ACOX2: variants seen among roughly 807,000 people sequenced by gnomAD.
ACOX2 encodes the protein peroxisomal acyl-coenzyme A oxidase 2.
In ACOX2, 59 loss-of-function variants were observed where a neutral mutation model predicts 77.5. That is an observed-to-expected ratio of 0.76 (90% CI 0.62 to 0.95). The LOEUF (loss-of-function observed/expected upper bound fraction) is 0.95. Ranked by LOEUF, ACOX2 falls within the 40% of genes least tolerant of loss-of-function variation. The probability of loss-of-function intolerance (pLI) is 0.00; values close to 1 mark genes in which losing one functional copy is unlikely to be tolerated. For missense variants in ACOX2, 837 were observed against 880.4 expected (o/e 0.95, Z 0.62); for synonymous variants, 317 against 340.1 (o/e 0.93, Z 0.75).
intron 5 of ACOX2, among the ~76,000 whole-genome samples, chr3:58,532,981 G>T (rs914161667): frequency 1.3e-5 from 2 of 152,142 alleles, no homozygotes; most frequent in African/African-American, 4.8e-5. Flanking sequence ...ATGGGGGCTG[G>T]TGATGGGCGT....
rs2063341056 is a variant in ACOX2 at position 58,519,019 on chromosome 3, T to C, written c.1633-1596A>G. On this transcript the variant is annotated intron_variant, in intron 12 of 14. Transcript: ENST00000302819. This position sits in a 1 kb window ranked among gnomAD's most constrained non-coding sequence, Gnocchi z 5.0. ...CAGATTCCAGGGCAGGGCCTGAGAC[T>C]GTGCATTTCTAACAAGGTCCCCTGT... Among the ~76,000 whole-genome samples the C allele has an allele frequency of 6.6e-6, 1 of 152,188 alleles. No individual in the cohort carries two copies. Among genetic ancestry groups the C allele is most frequent in the East Asian group, 1.9e-4 (1 of 5,190 alleles).
intron 5 of ACOX2, among the ~76,000 whole-genome samples, chr3:58,532,698 T>C (rs2108010905): frequency 6.6e-6 from 1 of 152,276 alleles, no homozygotes; most frequent in African/African-American, 2.4e-5. Context: ...GTCTCTCTCT[T>C]ATGTCTCTGG....
At chr3:58,532,264 T>C (rs1318972834) in intron 5 of ACOX2, among the ~76,000 whole-genome samples, 1 of 152,194 alleles carries the variant, frequency 6.6e-6, no homozygotes, top group Non-Finnish European at 1.5e-5. Flanking sequence ...TACCCTGGTC[T>C]GTCTGATCTA....
In ACOX2 at chr3:58,509,151, A is replaced by T. The variant is rs564655057; in HGVS notation, c.1851-126T>A. 5.3e-5 allele frequency: 61 copies of T among 1,142,542 alleles called. 1 individual carries two copies. The Admixed American group carries it at 1.2e-3, about 22-fold the overall frequency. 70.8% of individuals were successfully genotyped at this position (1,142,542 alleles called of 1,614,324 possible). A position where few individuals can be genotyped will look rare whatever the true frequency, so the allele number is the denominator to read the frequency against. ...TTATTCGCTTTTCAAACAATTCAGC[A>T]TTTTTTTTTAGTTTTTATTTTTTAA... is the stretch of plus-strand genomic sequence containing the variant. On this transcript the variant is annotated intron_variant, in intron 13 of 14. Coordinates refer to ENST00000302819, the MANE Select transcript of ACOX2 (RefSeq NM_003500.4).
Position 58,526,503 on chromosome 3 carries a change from C to T in ACOX2, c.1309G>A (p.Glu437Lys), listed in dbSNP as rs745958162. Residue 437 changes from glutamate to lysine, a missense_variant, in exon 10 of 15, where the codon GAG becomes AAG. Physicochemically the swap from Glu to Lys is moderately conservative, Grantham distance 56 (BLOSUM62 1). Transcript: ENST00000302819. This position sits in a 1 kb window ranked among gnomAD's most constrained non-coding sequence, Gnocchi z 4.3. ...AGGTAGAGCACTGTGTTCTCACCCTCGTAGGTACAGGAGGCCGACAATTTG... is the reference window on the plus strand; with the variant it reads ...AGGTAGAGCACTGTGTTCTCACCCTTGTAGGTACAGGAGGCCGACAATTTG... ...VTKLSASCTY[E>K]GENTVLYLQV... 32 of 1,614,018 alleles carry T rather than the reference C, an allele frequency of 2.0e-5. No homozygotes were observed. Among genetic ancestry groups the T allele is most frequent in the East Asian group, 2.2e-5 (1 of 44,890 alleles).
intron 14 of ACOX2, among the ~76,000 whole-genome samples, chr3:58,507,296 TCA>T (rs2063241817): frequency 6.6e-6 from 1 of 152,214 alleles, no homozygotes; most frequent in African/African-American, 2.4e-5. Flanking sequence ...CCTTCGTTGT[TCA>T]CAGTCAAGTG....
rs1231838078 is a variant in ACOX2, at chr3:58,522,131, C to T, written c.1632+365G>A. Among the ~76,000 whole-genome samples, 1 of 152,168 alleles carries T rather than the reference C, an allele frequency of 6.6e-6. No homozygotes were observed. The highest frequency in any genetic ancestry group is 1.5e-5 in the Non-Finnish European group (1 of 68,030). On this transcript the variant is annotated intron_variant, in intron 12 of 14. Coordinates refer to ENST00000302819, the MANE Select transcript of ACOX2 (RefSeq NM_003500.4). This position sits in a 1 kb window ranked among gnomAD's most constrained non-coding sequence, Gnocchi z 4.3. ...GCAGAGTGGGTGCTCAAATATTTGCCGACCGACTGTGAATTATGCAGAAAC... is the reference window on the plus strand; with the variant it reads ...GCAGAGTGGGTGCTCAAATATTTGCTGACCGACTGTGAATTATGCAGAAAC...
rs1238370020 is a variant in ACOX2, at chr3:58,524,318, G to A, written c.1526+108C>T. 1.3e-5 allele frequency: 18 copies of A among 1,386,426 alleles called. No individual in the cohort carries two copies. Among genetic ancestry groups the A allele is most frequent in the Non-Finnish European group, 1.8e-5 (18 of 1,018,744 alleles). The allele number at this position is 1,386,426 out of a possible 1,614,324, so 85.9% of individuals were successfully genotyped here. On this transcript the variant is annotated intron_variant, in intron 11 of 14. Transcript: ENST00000302819. The surrounding 1 kb of genome is among the most constrained non-coding windows in gnomAD (Gnocchi z 5.5). ...GGACCGGGGAGGCTAGGCATGGGGT[G>A]GTTTTTAGAACTGAATCCACGAATG... is the stretch of plus-strand genomic sequence containing the variant.
chr3:58,509,481 T>C (rs62259831), intron 13 of ACOX2, among the ~76,000 whole-genome samples: 46,909 of 151,364 alleles, frequency 0.31, 7,373 homozygotes, highest in African/African-American at 0.34. Flanking sequence ...GAGTGGAGAT[T>C]ATGCCACTGC....
At chr3:58,509,105 A>G in intron 13 of ACOX2, 80 bp from the exon 14 acceptor site, 1 of 1,478,170 alleles carries the variant, frequency 6.8e-7, no homozygotes, top group Non-Finnish European at 9.3e-7. Context: ...GAATAACAAT[A>G]CCTAATTAGA....
At chr3:58,529,915 G>C (rs1251997946) in intron 8 of ACOX2, among the ~76,000 whole-genome samples, 1 of 152,216 alleles carries the variant, frequency 6.6e-6, no homozygotes, top group Non-Finnish European at 1.5e-5. Context: ...TGGGGTGGAG[G>C]GAGTGGTAGC....
chr3:58,534,010 C>G lies in ACOX2; in HGVS notation c.459G>C (p.Gln153His). The change falls in exon 4 of 15, where the codon CAG becomes CAC. Residue 153 changes from glutamine (Q) to histidine (H), a missense_variant. Transcript: ENST00000302819. This position sits in a 1 kb window ranked among gnomAD's most constrained non-coding sequence, Gnocchi z 4.8. ...CTAGCTCACCATGTCCCAACTCTGT[C>G]TGTGCATACGTTGCGATGATCTGGA... ...KNIQIIATYA[Q>H]TELGHGTYLQ... is the part of the protein sequence containing the mutation. The G allele has an allele frequency of 6.2e-7, 1 of 1,614,070 alleles. No individual in the cohort carries two copies. The highest frequency in any genetic ancestry group is 8.5e-7 in the Non-Finnish European group (1 of 1,179,962).
At position 58,533,931 on chromosome 3, in the gene ACOX2, A is replaced by G; in HGVS notation, c.475+63T>C. ...ATGAACCTATGACTACCTAGATGTA[A>G]ATGGGCCCTCTGGAGTTTTGCAGTG... On this transcript the variant is annotated intron_variant, in intron 4 of 14. Transcript: ENST00000302819. This position sits in a 1 kb window ranked among gnomAD's most constrained non-coding sequence, Gnocchi z 5.6. 1 of 1,587,082 alleles carries G rather than the reference A, an allele frequency of 6.3e-7. No individual in the cohort carries two copies. Among genetic ancestry groups the G allele is most frequent in the South Asian group, 1.1e-5 (1 of 88,752 alleles).
Position 58,534,358 on chromosome 3 carries a change from A to G in ACOX2, c.323+2T>C, listed in dbSNP as rs751041263. 6.8e-6 allele frequency: 11 copies of G among 1,614,112 alleles called. No individual in the cohort carries two copies. The highest frequency in any genetic ancestry group is 1.7e-4 in the Middle Eastern group (1 of 6,058). ...TAGTGGGGCTGCTCGAGGAGTGAGC[A>G]CCTGTAAGCGTAGCCTAATTCACGA... On this transcript the variant is annotated splice_donor_variant, in intron 3 of 14. Coordinates refer to ENST00000302819, the MANE Select transcript of ACOX2 (RefSeq NM_003500.4). LOFTEE classifies it high-confidence loss of function. This position sits in a 1 kb window ranked among gnomAD's most constrained non-coding sequence, Gnocchi z 4.8.
Position 58,505,262 on chromosome 3 carries a change from T to C in ACOX2, c.2008A>G (p.Ile670Val), listed in dbSNP as rs200020110. The part of the protein sequence containing the change: ...TQENPAYEEY[I>V]RPLLQSWRSK... ...CTCCAACTTTGTAAAAGTGGTCTTA[T>C]ATATTCCTCATAGGCAGGGTTCTCC... Residue 670 changes from isoleucine to valine, a missense_variant, in exon 15 of 15, where the codon ATA becomes GTA. Physicochemically the swap from Ile to Val is conservative, Grantham distance 29. Coordinates refer to ENST00000302819, the MANE Select transcript of ACOX2 (RefSeq NM_003500.4). The surrounding 1 kb of genome is among the most constrained non-coding windows in gnomAD (Gnocchi z 4.4). The C allele has an allele frequency of 1.1e-5, 17 of 1,613,132 alleles. No homozygotes were observed. Among genetic ancestry groups the C allele is most frequent in the African/African-American group, 1.3e-5 (1 of 74,930 alleles).
At chr3:58,511,126 C>G (rs527587581) in intron 13 of ACOX2, 1 of 451,058 alleles carries the variant, frequency 2.2e-6, no homozygotes, top group African/African-American at 2.0e-5. Flanking sequence ...AATGCTTTCT[C>G]TCTTCAGGCT....
In ACOX2 at chr3:58,524,502, T is replaced by A; in HGVS notation, c.1450A>T (p.Arg484Trp). 6.2e-7 allele frequency: 1 copy of A among 1,614,178 alleles called. No homozygotes were observed. The highest frequency in any genetic ancestry group is 8.5e-7 in the Non-Finnish European group (1 of 1,180,034). ...TCGGCTGCCCTCTGGGCTGGACACC[T>A]GGCCAGGTCAGGTGCGGTGAGATAT... ...VAYLTAPDLA[R>W]CPAQRAADFL... The change falls in exon 11 of 15, where the codon AGG (arginine) becomes TGG (tryptophan). Residue 484 changes from arginine (R) to tryptophan (W), a missense_variant. Transcript: ENST00000302819. The surrounding 1 kb of genome is among the most constrained non-coding windows in gnomAD (Gnocchi z 5.5).
chr3:58,519,208 A>G lies in ACOX2; in HGVS notation c.1633-1785T>C, dbSNP rs1365437988. ...AGACCAGCCTGGCCAACATGGCAAA[A>G]CCCTGTCTCTACAAAAAATACAAAA... is the stretch of plus-strand genomic sequence containing the variant. On this transcript the variant is annotated intron_variant, in intron 12 of 14. Coordinates refer to ENST00000302819, the MANE Select transcript of ACOX2 (RefSeq NM_003500.4). This position sits in a 1 kb window ranked among gnomAD's most constrained non-coding sequence, Gnocchi z 5.0. Among the ~76,000 whole-genome samples the G allele has an allele frequency of 6.6e-6, 1 of 151,934 alleles. No homozygotes were observed. Among genetic ancestry groups the G allele is most frequent in the African/African-American group, 2.4e-5 (1 of 41,364 alleles).
chr3:58,518,738 T>G (rs992302221), intron 12 of ACOX2, among the ~76,000 whole-genome samples: 2 of 151,956 alleles, frequency 1.3e-5, no homozygotes, highest in Non-Finnish European at 2.9e-5. Flanking sequence ...GCTCAAGTGA[T>G]TCTCCCACCT....
Sources: gnomAD v4.1 joint callset for allele counts (sites outside exome capture counted in the v4.1 genomes callset) on GRCh38, gnomAD v4.1.1 for gene constraint, Gnocchi (gnomAD v3.1) non-coding constraint, MANE v1.5 for transcripts, NCBI Gene and HGNC (gene_info 2026-07-23, HGNC 2026-07-21) for gene names.